CNTN4: variants seen among roughly 807,000 people sequenced by gnomAD.
CNTN4 encodes contactin-4.
CNTN4 carries 77 observed loss-of-function variants against 122.5 expected under a neutral mutation model. That is an observed-to-expected ratio of 0.63 (90% CI 0.52 to 0.76). CNTN4 has a LOEUF of 0.76. Ranked by LOEUF, CNTN4 falls within the 30% of genes least tolerant of loss-of-function variation. CNTN4 has a pLI of 0.00. For synonymous variants in CNTN4, 512 were observed against 447.0 expected, an observed-to-expected ratio of 1.15 and a Z score of -1.83; for missense variants, 1,256 against 1,259.1, an observed-to-expected ratio of 1.00 and a Z score of 0.04.
intron 4 of CNTN4, among the ~76,000 whole-genome samples, chr3:2,665,968 C>T (rs185176825): frequency 1.4e-4 from 22 of 152,182 alleles, no homozygotes; most frequent in South Asian, 1.2e-3. Context: ...AGGATATTAT[C>T]GATTTAGATA....
At chr3:2,811,027 G>T (rs200416554) in intron 6 of CNTN4, among the ~76,000 whole-genome samples, 1 of 136,980 alleles carries the variant, frequency 7.3e-6, no homozygotes, top group Non-Finnish European at 1.6e-5. Flanking sequence ...AAAAAAAAAA[G>T]AAAAAAAAAA....
chr3:2,217,213 C>A (rs2149471666), intron 2 of CNTN4, among the ~76,000 whole-genome samples: 1 of 152,254 alleles, frequency 6.6e-6, no homozygotes, highest in East Asian at 1.9e-4. Context: ...GCTTCAACAA[C>A]CCTCTCTTGT....
chr3:2,309,806 T>G (rs1389320849), intron 2 of CNTN4, among the ~76,000 whole-genome samples: 1 of 152,106 alleles, frequency 6.6e-6, no homozygotes, highest in Non-Finnish European at 1.5e-5. Flanking sequence ...GCACATGGAA[T>G]CAAAGAGAAA....
At chr3:2,705,329 C>A (rs1311036271) in intron 4 of CNTN4, among the ~76,000 whole-genome samples, 1 of 139,262 alleles carries the variant, frequency 7.2e-6, no homozygotes, top group Non-Finnish European at 1.5e-5. Flanking sequence ...GATTGTGCCA[C>A]TGCACTCCAG....
chr3:2,163,663 T>C (rs1353783928), intron 2 of CNTN4, among the ~76,000 whole-genome samples: 2 of 150,548 alleles, frequency 1.3e-5, no homozygotes, highest in East Asian at 3.9e-4. Flanking sequence ...AAACTAATAA[T>C]CCCATCAAAA....
chr3:2,579,461 C>T (rs751738774), intron 4 of CNTN4, among the ~76,000 whole-genome samples: 2 of 151,940 alleles, frequency 1.3e-5, no homozygotes, highest in Admixed American at 6.6e-5. Context: ...ATATGGACTC[C>T]GAAATTACAT....
intron 3 of CNTN4, among the ~76,000 whole-genome samples, chr3:2,368,243 A>G (rs1272986194): frequency 1.3e-5 from 2 of 151,548 alleles, no homozygotes; most frequent in Non-Finnish European, 3.0e-5. Flanking sequence ...CATGTTAGCC[A>G]GGATGGTCTC....
In CNTN4 at chr3:2,558,476, C is replaced by CT. The variant is rs201086207; in HGVS notation, c.-88-12931dup. Among the ~76,000 whole-genome samples the CT allele has an allele frequency of 5.6e-3, 839 of 150,938 alleles. 10 individuals carry two copies. Among genetic ancestry groups the CT allele is most frequent in the African/African-American group, 0.019 (793 of 41,178 alleles). On this transcript the variant is annotated intron_variant, in intron 3 of 24. Coordinates refer to ENST00000418658, the MANE Select transcript of CNTN4 (RefSeq NM_175607.3). Reference sequence around the variant, plus strand: ...TTACTCAATTTTCTGATGTTCCCTCCTTTTTTTTTATTGATGTCATGCATT... The same window carrying CT: ...TTACTCAATTTTCTGATGTTCCCTCCTTTTTTTTTTATTGATGTCATGCATT...
intron 13 of CNTN4, among the ~76,000 whole-genome samples, chr3:2,934,266 A>T (rs1382936047): frequency 2.6e-5 from 4 of 152,254 alleles, no homozygotes; most frequent in African/African-American, 4.8e-5. Context: ...GTGTAATCAG[A>T]TCAAGTCTAG....
At chr3:2,982,388 T>G (rs1275048535) in intron 13 of CNTN4, among the ~76,000 whole-genome samples, 3 of 152,174 alleles carry the variant, frequency 2.0e-5, no homozygotes, top group Admixed American at 6.5e-5. Context: ...TTCTAACATC[T>G]TATATTATTG....
chr3:2,732,806 A>G (rs1029137909), intron 4 of CNTN4, among the ~76,000 whole-genome samples: 1 of 152,178 alleles, frequency 6.6e-6, no homozygotes, highest in African/African-American at 2.4e-5. Flanking sequence ...CTTGATAGCT[A>G]AACTTTCTAA....
At chr3:2,382,111 A>G (rs576968689) in intron 3 of CNTN4, among the ~76,000 whole-genome samples, 2 of 152,168 alleles carry the variant, frequency 1.3e-5, no homozygotes, top group African/African-American at 4.8e-5. Flanking sequence ...ACAGCTTTAT[A>G]TAAAAAACAT....
chr3:3,038,021 G>C (rs967694305), intron 18 of CNTN4, among the ~76,000 whole-genome samples: 4 of 152,022 alleles, frequency 2.6e-5, no homozygotes, highest in Non-Finnish European at 4.4e-5. Context: ...CCAGTGTGTT[G>C]AAGGAATAAT....
intron 4 of CNTN4, among the ~76,000 whole-genome samples, chr3:2,620,707 G>A (rs1365938432): frequency 2.0e-5 from 3 of 152,036 alleles, no homozygotes; most frequent in East Asian, 3.9e-4. Flanking sequence ...CCTTGTGTGC[G>A]GAATAAATCG....
intron 7 of CNTN4, among the ~76,000 whole-genome samples, chr3:2,832,715 C>T (rs1363034245): frequency 6.6e-6 from 1 of 152,048 alleles, no homozygotes; most frequent in Non-Finnish European, 1.5e-5. Context: ...ATTTTTGTTC[C>T]TCAAAATCTT....
chr3:2,299,172 G>T (rs561775940), intron 2 of CNTN4, among the ~76,000 whole-genome samples: 1 of 152,226 alleles, frequency 6.6e-6, no homozygotes, highest in South Asian at 2.1e-4. Context: ...TAAATGATAA[G>T]AGAATTAATC....
chr3:2,244,488 A>G (rs1039000759), intron 2 of CNTN4, among the ~76,000 whole-genome samples: 2 of 152,148 alleles, frequency 1.3e-5, no homozygotes, highest in African/African-American at 4.8e-5. Flanking sequence ...ATTAGGTTTC[A>G]GAAGATAAGT....
At chr3:2,174,370 AAGCAACAGAC>A (rs1455277201) in intron 2 of CNTN4, among the ~76,000 whole-genome samples, 2 of 152,184 alleles carry the variant, frequency 1.3e-5, no homozygotes, top group African/African-American at 4.8e-5. Flanking sequence ...GGTGGCTTAT[AAGCAACAGAC>A]ATTTATTTCT....
chr3:2,570,047 C>T lies in CNTN4; in HGVS notation c.-88-1369C>T, dbSNP rs1425422541. Among the ~76,000 whole-genome samples, 8 of 149,228 alleles carry T rather than the reference C, an allele frequency of 5.4e-5. 1 individual carries two copies. Among genetic ancestry groups the T allele is most frequent in the African/African-American group, 7.7e-5 (3 of 38,776 alleles). On this transcript the variant is annotated intron_variant, in intron 3 of 24. Transcript: ENST00000418658. Reference sequence around the variant, plus strand: ...TATACATTCACACATGGCGGGCTGGCAGGATGGGTGGGAGAAGGGATGAGT... The same window carrying T: ...TATACATTCACACATGGCGGGCTGGTAGGATGGGTGGGAGAAGGGATGAGT...
Sources: gnomAD v4.1 joint callset for allele counts (sites outside exome capture counted in the v4.1 genomes callset) on GRCh38, gnomAD v4.1.1 for gene constraint, MANE v1.5 for transcripts, NCBI Gene and HGNC (gene_info 2026-07-23, HGNC 2026-07-21) for gene names.